The following EPHX2 variants were observed in gnomAD, a reference collection of about 807,000 sequenced individuals.
The protein encoded by EPHX2 is bifunctional epoxide hydrolase 2.
In EPHX2, 74 loss-of-function variants were observed where a neutral mutation model predicts 78.7. That is an observed-to-expected ratio of 0.94 (90% CI 0.78 to 1.14). EPHX2 has a LOEUF of 1.14. EPHX2 is among the 50% of genes most tolerant of loss of function. The pLI is 0.00. For missense variants in EPHX2, 715 were observed against 702.5 expected (o/e 1.02, Z -0.20); for synonymous variants, 251 against 255.2 (o/e 0.98, Z 0.16).
intron 12 of EPHX2, among the ~76,000 whole-genome samples, chr8:27,534,067 G>A (rs1473464051): frequency 6.6e-6 from 1 of 152,202 alleles, no homozygotes; most frequent in Non-Finnish European, 1.5e-5. Context: ...ATGACCGACA[G>A]CCACACACAC....
chr8:27,531,490 C>A (rs915737077), intron 12 of EPHX2, among the ~76,000 whole-genome samples: 11 of 152,214 alleles, frequency 7.2e-5, no homozygotes, highest in African/African-American at 2.7e-4. Context: ...GGACAACCAC[C>A]CCACTGTTTC....
chr8:27,499,314 G>GTAATTATACCT (rs1813683170), intron 1 of EPHX2, among the ~76,000 whole-genome samples: 2 of 152,154 alleles, frequency 1.3e-5, no homozygotes, highest in Admixed American at 1.3e-4. Flanking sequence ...AACCATAGCA[G>GTAATTATACCT]TAATTATACC....
chr8:27,517,635 A>G (rs1301423869), intron 8 of EPHX2, among the ~76,000 whole-genome samples: 1 of 152,278 alleles, frequency 6.6e-6, no homozygotes, highest in Admixed American at 6.5e-5. Context: ...TCAAGAATAC[A>G]CAGTGGAGAA....
intron 12 of EPHX2, among the ~76,000 whole-genome samples, chr8:27,527,551 C>G (rs1461932578): frequency 6.6e-6 from 1 of 152,164 alleles, no homozygotes; most frequent in Non-Finnish European, 1.5e-5. Context: ...CTCCTCATCT[C>G]CCCTCCTCCC....
rs1431300892 is a variant in EPHX2, at chr8:27,544,226, A to C, written c.1571A>C (p.His524Pro). ...AGGGGACACATTGAGGACTGTGGGC[A>C]CTGGACACAGATGGACAAGTAAGGA... The part of the protein sequence containing the change: ...LKRGHIEDCG[H>P]WTQMDKPTEV... The change falls in exon 18 of 19, where the codon CAC (histidine) becomes CCC (proline). Residue 524 changes from histidine to proline, a missense_variant. By Grantham distance (77) the His-to-Pro change is moderately conservative. Coordinates refer to ENST00000521400, the MANE Select transcript of EPHX2 (RefSeq NM_001979.6). 1 of 1,614,180 alleles carries C rather than the reference A, an allele frequency of 6.2e-7. No individual in the cohort carries two copies. Among genetic ancestry groups the C allele is most frequent in the Admixed American group, 1.7e-5 (1 of 60,014 alleles).
intron 16 of EPHX2, among the ~76,000 whole-genome samples, chr8:27,543,006 T>TCCCCCCCCCCCCC (rs60846123): frequency 1.0e-5 from 1 of 99,634 alleles, no homozygotes; most frequent in Non-Finnish European, 2.1e-5. Context: ...TCCCATCCTC[T>TCCCCCCCCCCCCC]CCCCCCCCCG....
intron 1 of EPHX2, among the ~76,000 whole-genome samples, chr8:27,493,498 G>A (rs1372267202): frequency 1.3e-5 from 2 of 152,206 alleles, no homozygotes; most frequent in African/African-American, 4.8e-5. Context: ...CTTTGAGAGT[G>A]TATGGTAGTA....
intron 4 of EPHX2, among the ~76,000 whole-genome samples, chr8:27,506,135 C>T (rs1813996867): frequency 6.6e-6 from 1 of 152,150 alleles, no homozygotes; most frequent in African/African-American, 2.4e-5. Flanking sequence ...ACCACAGGTT[C>T]ATACCACCAT....
At chr8:27,522,338 C>T (rs1002153709) in intron 10 of EPHX2, 85 bp from the exon 11 acceptor site, 33 of 1,346,980 alleles carry the variant, frequency 2.4e-5, no homozygotes, top group Middle Eastern at 2.5e-4. Flanking sequence ...ACCCTGGTGT[C>T]GAGGGGCTGG....
At chr8:27,511,492 G>A (rs769411339) in intron 5 of EPHX2, among the ~76,000 whole-genome samples, 1 of 152,374 alleles carries the variant, frequency 6.6e-6, no homozygotes, top group South Asian at 2.1e-4. Context: ...TCTTCTACCT[G>A]TGGTTTTTGA....
rs72477601 is a variant in EPHX2 at position 27,541,909 on chromosome 8, A to G, written c.1449+367A>G. Among the ~76,000 whole-genome samples, 159 of 152,148 alleles carry G rather than the reference A, an allele frequency of 1.0e-3. 1 individual carries two copies. The highest frequency in any genetic ancestry group is 3.5e-3 in the African/African-American group (147 of 41,498). ...GGAGCCCCCAGCCCAGAGGAGCGTT[A>G]GGTGCTCTCAGAGATGTGACTTTAG... On this transcript the variant is annotated intron_variant, in intron 16 of 18. Coordinates refer to ENST00000521400, the MANE Select transcript of EPHX2 (RefSeq NM_001979.6).
At chr8:27,523,146 C>T (rs1466058977) in intron 11 of EPHX2, among the ~76,000 whole-genome samples, 1 of 152,120 alleles carries the variant, frequency 6.6e-6, no homozygotes, top group African/African-American at 2.4e-5. Context: ...CAGTCCTGGA[C>T]TGAGAATCAG....
chr8:27,513,080 C>T (rs944960712), intron 6 of EPHX2, among the ~76,000 whole-genome samples: 1 of 152,128 alleles, frequency 6.6e-6, no homozygotes, highest in African/African-American at 2.4e-5. Flanking sequence ...GGATTTTACA[C>T]TCACAACCTC....
intron 8 of EPHX2, among the ~76,000 whole-genome samples, chr8:27,517,430 A>G (rs144116206): frequency 3.3e-5 from 5 of 152,356 alleles, no homozygotes; most frequent in African/African-American, 9.6e-5. Context: ...AAATAGTCAA[A>G]GCGACCTTCA....
rs1210524904 is a variant in EPHX2 at position 27,505,139 on chromosome 8, C to G, written c.530C>G (p.Pro177Arg). 3.1e-6 allele frequency: 5 copies of G among 1,613,986 alleles called. No homozygotes were observed. Among genetic ancestry groups the G allele is most frequent in the Non-Finnish European group, 4.2e-6 (5 of 1,179,974 alleles). Residue 177 changes from proline (P) to arginine (R), a missense_variant, in exon 4 of 19, where the codon CCC becomes CGC. Physicochemically the swap from Pro to Arg is moderately radical, Grantham distance 103. Transcript: ENST00000521400. ...KFLLDTLKAS[P>R]SEVVFLDDIG... Reference sequence around the variant, plus strand: ...CTGCTGGACACCCTGAAGGCCAGCCCCAGTGAGGTACGGAGACACTTCCTT... The same window carrying G: ...CTGCTGGACACCCTGAAGGCCAGCCGCAGTGAGGTACGGAGACACTTCCTT...
chr8:27,512,500 C>G (rs889349362), intron 6 of EPHX2, among the ~76,000 whole-genome samples: 1 of 152,216 alleles, frequency 6.6e-6, no homozygotes, highest in Admixed American at 6.5e-5. Context: ...TTAAAATGTT[C>G]TTTTTGTTTT....
At chr8:27,499,846 C>CCTGTGTCCTCACATGGTTGACTCT (rs2132712838) in intron 1 of EPHX2, among the ~76,000 whole-genome samples, 1 of 152,218 alleles carries the variant, frequency 6.6e-6, no homozygotes, top group South Asian at 2.1e-4. Context: ...CAGTGTTCTC[C>CCTGTGTCCTCACATGGTTGACTCT]CTGTGTCCTC....
chr8:27,510,809 C>T (rs938769659), intron 5 of EPHX2, among the ~76,000 whole-genome samples: 4 of 151,862 alleles, frequency 2.6e-5, no homozygotes, highest in African/African-American at 7.3e-5. Flanking sequence ...AATAGCTGGC[C>T]GTGGTAGTGC....
At chr8:27,494,612 A>AACT in intron 1 of EPHX2, among the ~76,000 whole-genome samples, 1 of 152,202 alleles carries the variant, frequency 6.6e-6, no homozygotes, top group Non-Finnish European at 1.5e-5. Context: ...GTCTTCTCCT[A>AACT]GATAGTGCCC....
Sources: allele counts gnomAD v4.1 joint callset (sites outside exome capture counted in the v4.1 genomes callset), GRCh38; gene constraint gnomAD v4.1.1; transcripts MANE v1.5; gene names NCBI Gene and HGNC (gene_info 2026-07-23, HGNC 2026-07-21).